The following GNAQ variants were observed in gnomAD, a reference collection of about 807,000 sequenced individuals.
GNAQ encodes the protein guanine nucleotide-binding protein G(q) subunit alpha.
Under a neutral mutation model 43.9 loss-of-function variants are expected in GNAQ, and 8 were observed. The ratio of observed to expected loss-of-function variants is 0.18; its 90% confidence interval spans 0.11 to 0.33. The LOEUF is 0.33. Among genes scored for constraint, GNAQ ranks in the 10% least tolerant of loss-of-function variants. The pLI, the probability that GNAQ is intolerant of heterozygous loss-of-function variation, is 1.00. For missense variants in GNAQ, 158 were observed against 450.8 expected (o/e 0.35, Z 5.88); for synonymous variants, 155 against 170.7 (o/e 0.91, Z 0.71).
intron 1 of GNAQ, among the ~76,000 whole-genome samples, chr9:77,979,993 G>A (rs773803231): frequency 5.9e-5 from 9 of 152,178 alleles, no homozygotes; most frequent in Non-Finnish European, 1.0e-4. Context: ...TGTTCCTAGA[G>A]ACAAATTAAT....
chr9:78,009,860 A>G (rs1823752993), intron 1 of GNAQ, among the ~76,000 whole-genome samples: 1 of 152,220 alleles, frequency 6.6e-6, no homozygotes, highest in Non-Finnish European at 1.5e-5. Context: ...GGAAAAGGAA[A>G]AATGCAGAAG....
At position 77,930,178 on chromosome 9, in the gene GNAQ, C is replaced by A. The variant is rs114485711; in HGVS notation, c.137-7833G>T. On this transcript the variant is annotated intron_variant, in intron 1 of 6. Coordinates refer to ENST00000286548, the MANE Select transcript of GNAQ (RefSeq NM_002072.5). ...AGTCCTGTAACTGTACCAGCTGACA[C>A]ATCCACAGACCCATCCCCCACCTCA... is the stretch of plus-strand genomic sequence containing the variant. Among the ~76,000 whole-genome samples, 736 of 152,276 alleles carry A rather than the reference C, an allele frequency of 4.8e-3. 8 individuals carry two copies. Among genetic ancestry groups the A allele is most frequent in the African/African-American group, 0.017 (710 of 41,546 alleles).
chr9:77,793,508 T>C (rs2118439256), intron 5 of GNAQ, among the ~76,000 whole-genome samples: 1 of 152,300 alleles, frequency 6.6e-6, no homozygotes, highest in East Asian at 1.9e-4. Flanking sequence ...AGTCAGGAAT[T>C]CTTGTGTACC....
At chr9:77,883,646 C>G (rs560760349) in intron 2 of GNAQ, among the ~76,000 whole-genome samples, 1 of 151,710 alleles carries the variant, frequency 6.6e-6, no homozygotes, top group African/African-American at 2.4e-5. Context: ...TGCCCCCGCC[C>G]CCACTCTCCT....
At chr9:77,822,125 T>C (rs894790981) in intron 2 of GNAQ, among the ~76,000 whole-genome samples, 6 of 152,204 alleles carry the variant, frequency 3.9e-5, no homozygotes, top group Non-Finnish European at 5.9e-5. Flanking sequence ...AGAAAGGTGC[T>C]ATAAATCCAT....
chr9:77,944,806 T>C (rs887958546), intron 1 of GNAQ, among the ~76,000 whole-genome samples: 4 of 152,208 alleles, frequency 2.6e-5, no homozygotes, highest in African/African-American at 7.2e-5. Context: ...CTGTTTGTGA[T>C]TGGAGTGACA....
intron 2 of GNAQ, among the ~76,000 whole-genome samples, chr9:77,869,331 C>T (rs1827999186): frequency 6.6e-6 from 1 of 152,096 alleles, no homozygotes; most frequent in Non-Finnish European, 1.5e-5. Flanking sequence ...AAAAAACTAG[C>T]CCCAACCTCA....
chr9:77,928,523 T>G (rs922333747), intron 1 of GNAQ, among the ~76,000 whole-genome samples: 2 of 152,140 alleles, frequency 1.3e-5, no homozygotes. Flanking sequence ...TCACTGAAAG[T>G]ATTAGAAGGT....
chr9:77,890,592 G>T (rs1013202136), intron 2 of GNAQ, among the ~76,000 whole-genome samples: 1 of 152,146 alleles, frequency 6.6e-6, no homozygotes. Context: ...GCGTGGTGGC[G>T]CATGCCTGTA....
At chr9:77,809,273 A>T (rs1162263769) in intron 3 of GNAQ, among the ~76,000 whole-genome samples, 1 of 152,204 alleles carries the variant, frequency 6.6e-6, no homozygotes, top group East Asian at 1.9e-4. Flanking sequence ...CGGTGAAGTA[A>T]GATTAGAAAT....
chr9:77,933,204 A>C (rs1448617195), intron 1 of GNAQ, among the ~76,000 whole-genome samples: 1 of 152,224 alleles, frequency 6.6e-6, no homozygotes, highest in East Asian at 1.9e-4. Flanking sequence ...GGACACAGAC[A>C]TGACTGACCG....
intron 1 of GNAQ, among the ~76,000 whole-genome samples, chr9:78,023,321 A>T (rs1823934659): frequency 6.6e-6 from 1 of 152,214 alleles, no homozygotes. Flanking sequence ...TCACCAGCTC[A>T]CAGCCACATG....
chr9:77,749,563 C>T (rs1825780689), intron 5 of GNAQ, among the ~76,000 whole-genome samples: 1 of 152,150 alleles, frequency 6.6e-6, no homozygotes, highest in African/African-American at 2.4e-5. Context: ...TATAATTTTT[C>T]TCTAGTTGCT....
chr9:77,917,376 G>T (rs1021952333), intron 2 of GNAQ, among the ~76,000 whole-genome samples: 14 of 152,000 alleles, frequency 9.2e-5, no homozygotes, highest in East Asian at 3.9e-4. Flanking sequence ...AGGAGGGTGG[G>T]GGGGAAGAAG....
intron 1 of GNAQ, among the ~76,000 whole-genome samples, chr9:77,936,015 G>A (rs11145617): frequency 0.22 from 33,282 of 152,066 alleles, 3,835 homozygotes; most frequent in South Asian, 0.38. Context: ...TAACAAGCAG[G>A]CAGGAAATAA....
intron 5 of GNAQ, among the ~76,000 whole-genome samples, chr9:77,758,839 T>C (rs1210989153): frequency 6.6e-6 from 1 of 152,138 alleles, no homozygotes; most frequent in Non-Finnish European, 1.5e-5. Flanking sequence ...TGCACGTAAG[T>C]TTTTGTACAA....
In GNAQ at chr9:77,867,237, C is replaced by T. The variant is rs558197169; in HGVS notation, c.322-51467G>A. On this transcript the variant is annotated intron_variant, in intron 2 of 6. Coordinates refer to ENST00000286548, the MANE Select transcript of GNAQ (RefSeq NM_002072.5). ...GTGCTCACTGTGCTACTCACTGGAGCCAATCAACAGAGGACTTTTTTTATT... is the reference window on the plus strand; with the variant it reads ...GTGCTCACTGTGCTACTCACTGGAGTCAATCAACAGAGGACTTTTTTTATT... Among the ~76,000 whole-genome samples, 66 of 152,280 alleles carry T rather than the reference C, an allele frequency of 4.3e-4. No homozygotes were observed. In the Middle Eastern group the frequency reaches 0.017, roughly 39 times the overall value.
At chr9:77,970,558 A>C (rs1034376049) in intron 1 of GNAQ, among the ~76,000 whole-genome samples, 2 of 152,220 alleles carry the variant, frequency 1.3e-5, no homozygotes, top group Admixed American at 6.5e-5. Flanking sequence ...CTAAGATTTG[A>C]AGGGAGAAAT....
intron 5 of GNAQ, among the ~76,000 whole-genome samples, chr9:77,789,086 C>T (rs1334739800): frequency 1.3e-5 from 2 of 152,156 alleles, no homozygotes; most frequent in Non-Finnish European, 2.9e-5. Context: ...CTGTGGCCTA[C>T]CATTAGGAAA....
Sources: gnomAD v4.1 joint callset for allele counts (sites outside exome capture counted in the v4.1 genomes callset) on GRCh38, gnomAD v4.1.1 for gene constraint, MANE v1.5 for transcripts, NCBI Gene and HGNC (gene_info 2026-07-23, HGNC 2026-07-21) for gene names.